The following PRDM11 variants were observed in gnomAD, a reference collection of about 807,000 sequenced individuals.
PRDM11 encodes PR/SET domain 11, also known as PR domain-containing protein 11.
A neutral mutation model predicts 97.8 loss-of-function variants in PRDM11; 20 were observed. The ratio of observed to expected loss-of-function variants is 0.20; its 90% CI spans 0.14 to 0.30. The LOEUF is 0.30. Ranked by LOEUF, PRDM11 falls within the 10% of genes least tolerant of loss-of-function variation. PRDM11 has a pLI of 1.00. For synonymous variants in PRDM11, 599 were observed against 637.7 expected (o/e 0.94, Z 0.91); for missense variants, 1,139 against 1,555.2 (o/e 0.73, Z 4.50).
intron 1 of PRDM11, among the ~76,000 whole-genome samples, chr11:45,163,138 C>T (rs1208904154): frequency 1.3e-5 from 2 of 152,142 alleles, no homozygotes; most frequent in African/African-American, 4.8e-5. Context: ...GAGGCAAATT[C>T]CCTCTCCATG....
rs141843158 is a variant in PRDM11, at chr11:45,208,380, TC to T, written c.554+3604del. On this transcript the variant is annotated intron_variant, in intron 5 of 7. Transcript: ENST00000683152. ...AATAGTTTCCCTGGTTACGTATTCTTCCGAGCCATTCATTCAGCTGTAGGGC... is the reference window on the plus strand; with the variant it reads ...AATAGTTTCCCTGGTTACGTATTCTTCGAGCCATTCATTCAGCTGTAGGGC... Among the ~76,000 whole-genome samples the T allele has an allele frequency of 5.5e-3, 842 of 152,310 alleles. 18 individuals carry two copies. Among genetic ancestry groups the T allele is most frequent in the African/African-American group, 0.019 (793 of 41,574 alleles).
chr11:45,227,475 G>A lies in PRDM11; in HGVS notation c.2850G>A (p.Arg950=), dbSNP rs1286741570. ...SFNGIAMKNL[R]VAEAKFQSIR... is the part of the protein sequence containing the mutation. ...ACGGGATCGCCATGAAGAACCTCAG[G>A]GTGGCTGAAGCCAAGTTCCAGTCCA... The change falls in exon 8 of 8, where the codon AGG becomes AGA. Residue 950 remains arginine (R), a synonymous_variant. Transcript: ENST00000683152. This position sits in a 1 kb window ranked among gnomAD's most constrained non-coding sequence, Gnocchi z 8.0. 7.8e-6 allele frequency: 12 copies of A among 1,533,670 alleles called. 1 individual carries two copies. The highest frequency in any genetic ancestry group is 2.4e-5 in the South Asian group (2 of 83,962).
intron 1 of PRDM11, among the ~76,000 whole-genome samples, chr11:45,176,249 TAC>T (rs1421040030): frequency 6.6e-6 from 1 of 152,004 alleles, no homozygotes; most frequent in Admixed American, 6.6e-5. Context: ...TGGTGGCAGG[TAC>T]CTGTAATCCC....
chr11:45,154,667 T>G (rs1242765244), intron 1 of PRDM11, among the ~76,000 whole-genome samples: 2 of 152,088 alleles, frequency 1.3e-5, no homozygotes. Flanking sequence ...CTTCCAGTCC[T>G]GTCTCCCCTA....
At chr11:45,150,771 G>A (rs1851639893) in intron 1 of PRDM11, among the ~76,000 whole-genome samples, 1 of 152,194 alleles carries the variant, frequency 6.6e-6, no homozygotes, top group African/African-American at 2.4e-5. Context: ...CAGGAGATCT[G>A]GGGAAGATGA....
chr11:45,131,566 G>T (rs968873149), intron 1 of PRDM11, among the ~76,000 whole-genome samples: 6 of 152,128 alleles, frequency 3.9e-5, no homozygotes, highest in African/African-American at 1.4e-4. Context: ...TTTGTGCAGG[G>T]TGTTGTCACA....
chr11:45,154,896 C>G (rs1851753326), intron 1 of PRDM11, among the ~76,000 whole-genome samples: 1 of 152,192 alleles, frequency 6.6e-6, no homozygotes, highest in African/African-American at 2.4e-5. Context: ...TCCTCTGCAC[C>G]CCAGTCCTTC....
chr11:45,151,731 C>T (rs916263126), intron 1 of PRDM11, among the ~76,000 whole-genome samples: 2 of 152,158 alleles, frequency 1.3e-5, no homozygotes, highest in Non-Finnish European at 2.9e-5. Context: ...GAGGAGGAGG[C>T]CTTTAGGTTG....
chr11:45,228,267 A>ATAT lies in PRDM11; in HGVS notation c.*109_*111dup, dbSNP rs2135862158. 9.6e-5 allele frequency: 20 copies of ATAT among 207,596 alleles called. No homozygotes were observed. The East Asian group carries it at 2.6e-3, about 27-fold the overall frequency. The allele number at this position is 207,596 out of a possible 1,614,324, so 12.9% of individuals were successfully genotyped here. On this transcript the variant is annotated 3_prime_UTR_variant, in exon 8 of 8. Transcript: ENST00000683152. ...ATATTATATTATATTATATTATATTATATATATATATATATATAAACTCAC... is the reference window on the plus strand; with the variant it reads ...ATATTATATTATATTATATTATATTATATTATATATATATATATATAAACTCAC...
intron 7 of PRDM11, 109 bp from the exon 8 acceptor site, chr11:45,225,886 T>G (rs905699457): frequency 7.5e-6 from 10 of 1,341,900 alleles, no homozygotes; most frequent in Non-Finnish European, 9.8e-6. Flanking sequence ...TCCACGGACT[T>G]CTGTTTCCCA....
chr11:45,210,562 GC>G (rs1223434060), intron 5 of PRDM11, among the ~76,000 whole-genome samples: 2 of 152,344 alleles, frequency 1.3e-5, no homozygotes, highest in South Asian at 4.1e-4. Context: ...CAGGGAAGCA[GC>G]CGTGGCTCAG....
At chr11:45,225,216 T>C in intron 7 of PRDM11, 1 of 981,468 alleles carries the variant, frequency 1.0e-6, no homozygotes, top group Non-Finnish European at 1.3e-6. Flanking sequence ...ACTGGAGAGA[T>C]CTCTTGGCTT....
chr11:45,174,190 A>AT (rs1314852803), intron 1 of PRDM11, among the ~76,000 whole-genome samples: 1 of 152,122 alleles, frequency 6.6e-6, no homozygotes, highest in Non-Finnish European at 1.5e-5. Context: ...ATTATCACTC[A>AT]TCCAGATTAT....
chr11:45,210,527 G>T (rs1853691303), intron 5 of PRDM11, among the ~76,000 whole-genome samples: 1 of 152,226 alleles, frequency 6.6e-6, no homozygotes, highest in Non-Finnish European at 1.5e-5. Context: ...GCTCGTGAGT[G>T]GTGGGAGCCA....
intron 1 of PRDM11, among the ~76,000 whole-genome samples, chr11:45,119,553 C>A (rs1443175914): frequency 6.8e-6 from 1 of 147,938 alleles, no homozygotes; most frequent in Non-Finnish European, 1.5e-5. Flanking sequence ...TTGCGTGAAC[C>A]CCAGTGGGTG....
chr11:45,164,518 G>A (rs946304218), intron 1 of PRDM11, among the ~76,000 whole-genome samples: 64 of 152,380 alleles, frequency 4.2e-4, no homozygotes, highest in African/African-American at 1.5e-3. Context: ...CTGCCAGGGC[G>A]CCAGCCACCG....
chr11:45,121,181 A>T (rs1289231460), intron 1 of PRDM11, among the ~76,000 whole-genome samples: 1 of 151,936 alleles, frequency 6.6e-6, no homozygotes, highest in Non-Finnish European at 1.5e-5. Context: ...ATCAGCAATT[A>T]CATTAATTAT....
chr11:45,183,760 A>G (rs1852603711), intron 4 of PRDM11, among the ~76,000 whole-genome samples: 2 of 152,204 alleles, frequency 1.3e-5, no homozygotes, highest in Non-Finnish European at 2.9e-5. Flanking sequence ...CTAGACAGAG[A>G]TAGGGGAGGG....
rs1554963214 is a variant in PRDM11 at position 45,101,567 on chromosome 11, A to AGAAGAAGAAGAAGAAGAAGAAGAAGAAG, written c.96+5666_96+5667insGAAGAAGAAGAAGAAGAAGAAGAAGAAG. ...CAACACTCTGTCTCAAAAAAAAAAA[A>AGAAGAAGAAGAAGAAGAAGAAGAAGAAG]AAGAAGAAGAAGAAGAAGAAGAAGA... On this transcript the variant is annotated intron_variant, in intron 1 of 6. Transcript: ENST00000530656. Among the ~76,000 whole-genome samples, 12 of 96,864 alleles carry AGAAGAAGAAGAAGAAGAAGAAGAAGAAG rather than the reference A, an allele frequency of 1.2e-4. 1 individual carries two copies. The highest frequency in any genetic ancestry group is 5.8e-4 in the African/African-American group (12 of 20,550). The allele number at this position is 96,864 out of a possible 152,430, so 63.5% of individuals were successfully genotyped here.
Sources: allele counts gnomAD v4.1 joint callset (sites outside exome capture counted in the v4.1 genomes callset), GRCh38; gene constraint gnomAD v4.1.1; non-coding constraint Gnocchi (gnomAD v3.1); transcripts MANE v1.5; gene names NCBI Gene and HGNC (gene_info 2026-07-23, HGNC 2026-07-21).